The following SRPK2 variants were observed in gnomAD, a reference collection of about 807,000 sequenced individuals.
SRPK2 encodes the protein SRSF protein kinase 2, also known as SFRS protein kinase 2.
In SRPK2, 21 loss-of-function variants were observed where a neutral mutation model predicts 90.8. That is an observed-to-expected ratio of 0.23 (90% CI 0.16 to 0.33). The LOEUF (loss-of-function observed/expected upper bound fraction) is 0.33, where lower values mean the gene tolerates loss of function less well. Ranked by LOEUF, SRPK2 falls within the 10% of genes least tolerant of loss-of-function variation. SRPK2 has a pLI of 1.00. For synonymous variants in SRPK2, 288 were observed against 311.1 expected, an observed-to-expected ratio of 0.93 and a Z score of 0.78; for missense variants, 620 against 869.0, an observed-to-expected ratio of 0.71 and a Z score of 3.60.
intron 11 of SRPK2, among the ~76,000 whole-genome samples, chr7:105,135,925 C>T (rs769628002): frequency 3.9e-5 from 6 of 151,956 alleles, no homozygotes; most frequent in Non-Finnish European, 7.4e-5. Flanking sequence ...AAACCATGCC[C>T]GATTAATTTT....
At chr7:105,233,573 C>A (rs977171013) in intron 2 of SRPK2, among the ~76,000 whole-genome samples, 2 of 152,138 alleles carry the variant, frequency 1.3e-5, no homozygotes, top group African/African-American at 2.4e-5. Flanking sequence ...AAAATACGGG[C>A]TGGGCGCAGT....
At chr7:105,299,109 C>T (rs746505495) in intron 2 of SRPK2, among the ~76,000 whole-genome samples, 59 of 152,196 alleles carry the variant, frequency 3.9e-4, no homozygotes, top group Non-Finnish European at 6.6e-4. Flanking sequence ...GGGCACTCTT[C>T]CTCCTGTTGG....
At chr7:105,200,270 C>T (rs1795387734) in intron 3 of SRPK2, among the ~76,000 whole-genome samples, 1 of 152,152 alleles carries the variant, frequency 6.6e-6, no homozygotes, top group African/African-American at 2.4e-5. Flanking sequence ...CACTGCACTA[C>T]AGCCTGGGTG....
intron 2 of SRPK2, among the ~76,000 whole-genome samples, chr7:105,246,524 T>C (rs942129506): frequency 1.3e-5 from 2 of 152,130 alleles, no homozygotes; most frequent in Non-Finnish European, 2.9e-5. Flanking sequence ...AGCCCACAAA[T>C]GGTATTAACA....
chr7:105,123,293 G>A (rs1313392755), intron 15 of SRPK2, among the ~76,000 whole-genome samples: 8 of 151,968 alleles, frequency 5.3e-5, no homozygotes, highest in South Asian at 2.1e-4. Context: ...TAAATTATAC[G>A]CAAGGAGAGG....
At chr7:105,212,449 G>T (rs1167005110) in intron 2 of SRPK2, among the ~76,000 whole-genome samples, 1 of 152,186 alleles carries the variant, frequency 6.6e-6, no homozygotes, top group Non-Finnish European at 1.5e-5. Context: ...CCAGAATGAG[G>T]CTGACTGCAG....
intron 2 of SRPK2, among the ~76,000 whole-genome samples, chr7:105,220,749 C>T (rs1797997381): frequency 6.6e-6 from 1 of 152,052 alleles, no homozygotes; most frequent in Admixed American, 6.5e-5. Flanking sequence ...CTCACTTTAA[C>T]CATTTTTTTT....
intron 7 of SRPK2, among the ~76,000 whole-genome samples, chr7:105,160,024 G>A (rs1190446701): frequency 1.3e-5 from 2 of 152,136 alleles, no homozygotes; most frequent in African/African-American, 4.8e-5. Context: ...ACACAATAAT[G>A]TTAACTATAG....
chr7:105,368,709 C>A (rs541936753), intron 2 of SRPK2, among the ~76,000 whole-genome samples: 15 of 152,100 alleles, frequency 9.9e-5, no homozygotes, highest in South Asian at 2.1e-4. Context: ...CATGATGAAA[C>A]CCCGTCTCTA....
intron 13 of SRPK2, among the ~76,000 whole-genome samples, chr7:105,128,537 T>C (rs571594907): frequency 4.0e-4 from 61 of 152,310 alleles, no homozygotes; most frequent in Non-Finnish European, 5.7e-4. Flanking sequence ...AGAGTCCTTC[T>C]AGCCTGGGAA....
intron 2 of SRPK2, among the ~76,000 whole-genome samples, chr7:105,383,783 T>G (rs1457707980): frequency 2.0e-5 from 3 of 152,204 alleles, no homozygotes; most frequent in African/African-American, 7.2e-5. Context: ...ACACAACTAT[T>G]CAACAATATA....
At chr7:105,341,224 C>G (rs1039301665) in intron 2 of SRPK2, among the ~76,000 whole-genome samples, 2 of 151,860 alleles carry the variant, frequency 1.3e-5, no homozygotes, top group Middle Eastern at 3.2e-3. Context: ...ATTAACCAGG[C>G]GTGATGGCGC....
chr7:105,372,497 T>C (rs1418979475), intron 2 of SRPK2, among the ~76,000 whole-genome samples: 1 of 152,128 alleles, frequency 6.6e-6, no homozygotes, highest in Non-Finnish European at 1.5e-5. Context: ...TAATACAAAC[T>C]ATGAAAGGTT....
chr7:105,145,140 T>C (rs1201352347), intron 9 of SRPK2, 143 bp downstream of exon 9: 13 of 457,440 alleles, frequency 2.8e-5, no homozygotes, highest in Admixed American at 4.5e-5. Flanking sequence ...AACAAGACAT[T>C]AAGTCTTACC....
intron 11 of SRPK2, among the ~76,000 whole-genome samples, chr7:105,141,612 C>T (rs1299046395): frequency 6.6e-6 from 1 of 152,032 alleles, no homozygotes; most frequent in East Asian, 1.9e-4. Flanking sequence ...AAAGAGGAGG[C>T]ATAATTTTCT....
At chr7:105,178,813 CA>C (rs1792351367) in intron 3 of SRPK2, among the ~76,000 whole-genome samples, 1 of 150,778 alleles carries the variant, frequency 6.6e-6, no homozygotes, top group African/African-American at 2.4e-5. Context: ...TCTCTCAAAA[CA>C]AAACAAAAAA....
At chr7:105,128,805 C>G (rs1213820048) in intron 13 of SRPK2, among the ~76,000 whole-genome samples, 1 of 152,166 alleles carries the variant, frequency 6.6e-6, no homozygotes, top group Non-Finnish European at 1.5e-5. Context: ...TCCAGTGATC[C>G]TCTCTCAGCC....
chr7:105,334,857 A>T (rs890622335), intron 2 of SRPK2, among the ~76,000 whole-genome samples: 5 of 150,752 alleles, frequency 3.3e-5, no homozygotes, highest in South Asian at 2.1e-4. Context: ...AACAAAAAAA[A>T]AATTAATTAA....
At chr7:105,369,717 G>A (rs1038609283) in intron 2 of SRPK2, among the ~76,000 whole-genome samples, 2 of 151,992 alleles carry the variant, frequency 1.3e-5, no homozygotes, top group Non-Finnish European at 2.9e-5. Context: ...ATAATCAACA[G>A]GATAAGATTC....
Sources: gnomAD v4.1 joint callset for allele counts (sites outside exome capture counted in the v4.1 genomes callset) on GRCh38, gnomAD v4.1.1 for gene constraint, MANE v1.5 for transcripts, NCBI Gene and HGNC (gene_info 2026-07-23, HGNC 2026-07-21) for gene names.